Variants in TENM1 observed in about 807,000 individuals in gnomAD.
TENM1 encodes teneurin transmembrane protein 1.
A neutral mutation model predicts 174.8 loss-of-function variants in TENM1; 35 were observed. The ratio of observed to expected loss-of-function variants is 0.20; its 90% CI spans 0.15 to 0.27. The LOEUF (loss-of-function observed/expected upper bound fraction) is 0.27. TENM1 is among the 10% of genes least tolerant of loss of function. The pLI is 1.00. For missense variants in TENM1, 1,633 were observed against 2,130.1 expected, an observed-to-expected ratio of 0.77 and a Z score of 4.59; for synonymous variants, 781 against 798.7, an observed-to-expected ratio of 0.98 and a Z score of 0.37.
At chrX:124,513,840 A>C in intron 18 of TENM1, among the ~76,000 whole-genome samples, 1 of 112,187 alleles carries the variant, frequency 8.9e-6, no homozygotes. Flanking sequence ...TCTTCAGAGT[A>C]GTAGATTCTC....
the TENM1 span, among the ~76,000 whole-genome samples, chrX:124,970,087 G>C: frequency 9.0e-6 from 1 of 111,339 alleles, no homozygotes; most frequent in African/African-American, 3.3e-5. Context: ...ATATTGTTTT[G>C]AATCCATGGA....
chrX:124,387,804 C>T (rs1276052612), intron 28 of TENM1, among the ~76,000 whole-genome samples: 3 of 112,112 alleles, frequency 2.7e-5, no homozygotes, highest in Non-Finnish European at 5.6e-5. Flanking sequence ...GAGGTGAGTG[C>T]AGAAATCCTG....
At chrX:124,757,447 G>A (rs750572985) in intron 3 of TENM1, among the ~76,000 whole-genome samples, 51 of 112,584 alleles carry the variant, frequency 4.5e-4, no homozygotes, top group African/African-American at 1.6e-3. Context: ...TGCGCTTCCC[G>A]AGTGAGGCAA....
intron 3 of TENM1, among the ~76,000 whole-genome samples, chrX:124,857,091 T>A (rs1951236671): frequency 9.0e-6 from 1 of 111,366 alleles, no homozygotes; most frequent in Admixed American, 9.5e-5. Flanking sequence ...GAAGTCACTG[T>A]CTTATGAGCT....
At chrX:124,892,260 T>G (rs1227845662) in intron 3 of TENM1, among the ~76,000 whole-genome samples, 3 of 111,798 alleles carry the variant, frequency 2.7e-5, no homozygotes. Context: ...AATGCATTAG[T>G]GCTCTGATAC....
chrX:124,542,412 T>C (rs917434681), intron 15 of TENM1, among the ~76,000 whole-genome samples: 1 of 96,924 alleles, frequency 1.0e-5, no homozygotes, highest in Non-Finnish European at 2.0e-5. Flanking sequence ...AAACCCATCA[T>C]CTTGTTTCAT....
chrX:124,961,204 T>A (rs761007387), intron 1 of TENM1, among the ~76,000 whole-genome samples: 8 of 112,325 alleles, frequency 7.1e-5, no homozygotes, highest in African/African-American at 2.6e-4. Context: ...AGCACTTATA[T>A]TTCAGTTGAT....
chrX:124,703,960 TC>T (rs1271367083), intron 5 of TENM1, among the ~76,000 whole-genome samples: 1 of 112,450 alleles, frequency 8.9e-6, no homozygotes, highest in Non-Finnish European at 1.9e-5. Context: ...ATCAGTGACC[TC>T]CCTACAAAAT....
upstream of TENM1, among the ~76,000 whole-genome samples, chrX:124,968,684 C>T (rs1156364728): frequency 9.0e-6 from 1 of 111,674 alleles, no homozygotes; most frequent in Non-Finnish European, 1.9e-5. Flanking sequence ...CTCCTCGACA[C>T]TCAACGATAA....
chrX:125,047,468 T>C, the TENM1 span, among the ~76,000 whole-genome samples: 1 of 111,666 alleles, frequency 9.0e-6, no homozygotes, highest in Non-Finnish European at 1.9e-5. Context: ...CTCAGGGATA[T>C]ATGATGGCAC....
At chrX:124,679,401 C>A (rs1479438926) in intron 5 of TENM1, among the ~76,000 whole-genome samples, 1 of 111,454 alleles carries the variant, frequency 9.0e-6, no homozygotes, top group Non-Finnish European at 1.9e-5. Context: ...AGTACATTAC[C>A]CAGATGGTGA....
chrX:124,760,409 C>T (rs2054378650), intron 3 of TENM1, among the ~76,000 whole-genome samples: 1 of 111,495 alleles, frequency 9.0e-6, no homozygotes, highest in African/African-American at 3.3e-5. Context: ...CTAATTGAAT[C>T]CCCTTTATTT....
At chrX:124,736,864 T>C in intron 4 of TENM1, 93 bp downstream of exon 7, 2 of 1,078,533 alleles carry the variant, frequency 1.9e-6, no homozygotes, top group Non-Finnish European at 2.5e-6. Context: ...TGTGTGTCTC[T>C]GCAGATGTGT....
chrX:124,982,693 T>C, the TENM1 span, among the ~76,000 whole-genome samples: 1 of 112,304 alleles, frequency 8.9e-6, no homozygotes, highest in African/African-American at 3.2e-5. Context: ...AATATCACTG[T>C]CATTTCAGAT....
the TENM1 span, among the ~76,000 whole-genome samples, chrX:125,183,257 C>T: frequency 1.8e-5 from 2 of 111,528 alleles, no homozygotes; most frequent in South Asian, 7.5e-4. Context: ...AGAAAAATTA[C>T]TGAAGGCTCG....
At chrX:124,714,144 T>C (rs185966052) in intron 4 of TENM1, among the ~76,000 whole-genome samples, 63 of 111,822 alleles carry the variant, frequency 5.6e-4, no homozygotes, top group Admixed American at 4.1e-3. Context: ...ATAAGGTAGA[T>C]GATATTATCT....
At chrX:125,105,285 G>A in the TENM1 span, among the ~76,000 whole-genome samples, 2 of 111,261 alleles carry the variant, frequency 1.8e-5, no homozygotes, top group Non-Finnish European at 3.8e-5. Context: ...TTCTAAGGAC[G>A]CAAAGCCTTG....
chrX:124,761,034 G>T (rs1402578148), intron 3 of TENM1, among the ~76,000 whole-genome samples: 3 of 111,828 alleles, frequency 2.7e-5, no homozygotes, highest in Admixed American at 9.4e-5. Context: ...TCATTAAAAA[G>T]TCAGGAAACA....
At chrX:124,675,908 A>G (rs755648364) in intron 5 of TENM1, among the ~76,000 whole-genome samples, 1 of 109,063 alleles carries the variant, frequency 9.2e-6, no homozygotes, top group South Asian at 4.0e-4. Flanking sequence ...GTGAATATCT[A>G]GTGGAAGAAT....
Sources: gnomAD v4.1 joint callset for allele counts (sites outside exome capture counted in the v4.1 genomes callset) on GRCh38, gnomAD v4.1.1 for gene constraint, MANE v1.5 for transcripts, NCBI Gene and HGNC (gene_info 2026-07-23, HGNC 2026-07-21) for gene names.